CHST11: variants seen among roughly 807,000 people sequenced by gnomAD.
The protein encoded by CHST11 is carbohydrate sulfotransferase 11.
CHST11 carries 9 observed loss-of-function variants against 30.4 expected under a neutral mutation model. The ratio of observed to expected loss-of-function variants is 0.30; its 90% CI spans 0.18 to 0.52. The LOEUF is 0.52. Ranked by LOEUF, CHST11 falls within the 20% of genes least tolerant of loss-of-function variation. CHST11 has a pLI of 0.97. For missense variants in CHST11, 348 were observed against 460.6 expected (o/e 0.76, Z 2.24); for synonymous variants, 152 against 187.8 (o/e 0.81, Z 1.56).
At chr12:104,528,909 C>T (rs768701008) in intron 1 of CHST11, among the ~76,000 whole-genome samples, 1 of 152,142 alleles carries the variant, frequency 6.6e-6, no homozygotes, top group Non-Finnish European at 1.5e-5. Context: ...GGCAACCTTA[C>T]CTTTTGGAAG....
At chr12:104,526,719 T>C (rs1315081922) in intron 1 of CHST11, among the ~76,000 whole-genome samples, 1 of 152,132 alleles carries the variant, frequency 6.6e-6, no homozygotes, top group African/African-American at 2.4e-5. Context: ...CAGGTAGAAA[T>C]GTTTAGCTTC....
At chr12:104,576,872 A>G (rs1027615542) in intron 1 of CHST11, among the ~76,000 whole-genome samples, 1 of 152,042 alleles carries the variant, frequency 6.6e-6, no homozygotes, top group East Asian at 1.9e-4. Flanking sequence ...TCCAACATTC[A>G]TGTTGCCATT....
rs1436190915 is a variant in CHST11, at chr12:104,757,033, C to T, written c.289C>T (p.Arg97Cys). The change falls in exon 3 of 3, where the codon CGT becomes TGT. Residue 97 changes from arginine to cysteine, a missense_variant. By Grantham distance (180) the Arg-to-Cys change is radical. Transcript: ENST00000303694. The surrounding 1 kb of genome is among the most constrained non-coding windows in gnomAD (Gnocchi z 6.5). ...GTGCCGAGCCAACAGCGCCACAAGC[C>T]GTAAGCGGAGGGTGCTGACCCCCAA... Reference protein sequence around the residue: ...DTCRANSATSRKRRVLTPNDL... With the variant: ...DTCRANSATSCKRRVLTPNDL... 1.2e-6 allele frequency: 2 copies of T among 1,613,944 alleles called. No individual in the cohort carries two copies. Among genetic ancestry groups the T allele is most frequent in the African/African-American group, 1.3e-5 (1 of 74,904 alleles).
intron 2 of CHST11, among the ~76,000 whole-genome samples, chr12:104,613,860 G>C (rs142190470): frequency 2.0e-5 from 3 of 152,288 alleles, no homozygotes; most frequent in African/African-American, 7.2e-5. Context: ...AGGTTGAACT[G>C]GTAGAAGCAG....
At chr12:104,546,773 A>AAACAAGT (rs1172137844) in intron 1 of CHST11, among the ~76,000 whole-genome samples, 1 of 152,196 alleles carries the variant, frequency 6.6e-6, no homozygotes, top group Non-Finnish European at 1.5e-5. Flanking sequence ...AAACAAAGCA[A>AAACAAGT]AACAAGTCCA....
chr12:104,717,149 T>C (rs1054896342), intron 2 of CHST11, among the ~76,000 whole-genome samples: 3 of 152,230 alleles, frequency 2.0e-5, no homozygotes, highest in Admixed American at 1.3e-4. Context: ...TAGCCTTAAT[T>C]CCATCTGCTA....
At chr12:104,616,613 A>T (rs2039110692) in intron 2 of CHST11, among the ~76,000 whole-genome samples, 1 of 152,044 alleles carries the variant, frequency 6.6e-6, no homozygotes, top group South Asian at 2.1e-4. Flanking sequence ...CTACAGGCGC[A>T]CACCACCACG....
intron 1 of CHST11, among the ~76,000 whole-genome samples, chr12:104,540,233 G>A (rs1228391779): frequency 6.6e-6 from 1 of 152,138 alleles, no homozygotes; most frequent in South Asian, 2.1e-4. Flanking sequence ...TGAATATGGA[G>A]GCTGATTGTA....
chr12:104,616,467 ATT>A (rs35122771), intron 2 of CHST11, among the ~76,000 whole-genome samples: 45 of 139,346 alleles, frequency 3.2e-4, no homozygotes, highest in Middle Eastern at 7.5e-3. Flanking sequence ...GGGAAACTAC[ATT>A]TTTTTTTTTT....
Position 104,719,750 on chromosome 12 carries a change from T to C in CHST11, c.205-37199T>C, listed in dbSNP as rs1236183588. 2.6e-5 allele frequency among the ~76,000 whole-genome samples: 4 copies of C among 152,274 alleles called. No individual in the cohort carries two copies. In the East Asian group the frequency reaches 7.7e-4, roughly 29 times the overall value. ...GGGCATGGCCAGCCGGCCCTGGCTG[T>C]GGCATGGAGGATGGACTGGCCCTGG... is the stretch of plus-strand genomic sequence containing the variant. On this transcript the variant is annotated intron_variant, in intron 2 of 2. Coordinates refer to ENST00000303694, the MANE Select transcript of CHST11 (RefSeq NM_018413.6).
At chr12:104,488,351 A>G (rs547511812) in intron 1 of CHST11, among the ~76,000 whole-genome samples, 8 of 151,622 alleles carry the variant, frequency 5.3e-5, no homozygotes, top group African/African-American at 1.9e-4. Context: ...GTGTGTATGC[A>G]TGTGTGTGCG....
chr12:104,639,379 T>C lies in CHST11; in HGVS notation c.204+37388T>C, dbSNP rs147270773. ...AAACAAATGTCCATAAGCTTGTGAA[T>C]GGATACACAAAATATGGTATATCCA... On this transcript the variant is annotated intron_variant, in intron 2 of 2. Transcript: ENST00000303694. Among the ~76,000 whole-genome samples the C allele has an allele frequency of 5.6e-3, 848 of 152,346 alleles. 6 individuals carry two copies. Among genetic ancestry groups the C allele is most frequent in the African/African-American group, 0.019 (773 of 41,582 alleles).
chr12:104,461,226 G>A (rs1416768571), intron 1 of CHST11, among the ~76,000 whole-genome samples: 1 of 152,196 alleles, frequency 6.6e-6, no homozygotes, highest in Non-Finnish European at 1.5e-5. Context: ...GGCAGCTGAG[G>A]CACTGCTCTG....
intron 1 of CHST11, among the ~76,000 whole-genome samples, chr12:104,491,894 C>T (rs910229026): frequency 6.6e-6 from 1 of 152,120 alleles, no homozygotes; most frequent in African/African-American, 2.4e-5. Flanking sequence ...TGTGACCTGC[C>T]CCCTACCACC....
intron 2 of CHST11, among the ~76,000 whole-genome samples, chr12:104,656,493 C>T (rs528115794): frequency 6.6e-6 from 1 of 152,146 alleles, no homozygotes; most frequent in Non-Finnish European, 1.5e-5. Context: ...TTGCATAGAT[C>T]CAGTCTTATC....
intron 2 of CHST11, among the ~76,000 whole-genome samples, chr12:104,740,189 A>C (rs2040335658): frequency 6.6e-6 from 1 of 152,226 alleles, no homozygotes; most frequent in Non-Finnish European, 1.5e-5. Context: ...AAATCAGGCC[A>C]GCCCAGGGGG....
In CHST11 at chr12:104,688,584, G is replaced by A. The variant is rs12581376; in HGVS notation, c.205-68365G>A. ...TAATGTTAAAACATCAACCTGAAACGTGTATTTAAAAACCTGTAAGATATT... is the reference window on the plus strand; with the variant it reads ...TAATGTTAAAACATCAACCTGAAACATGTATTTAAAAACCTGTAAGATATT... On this transcript the variant is annotated intron_variant, in intron 2 of 2. Transcript: ENST00000303694. Among the ~76,000 whole-genome samples the A allele has an allele frequency of 3.8e-3, 584 of 152,262 alleles. 14 individuals carry two copies. In the East Asian group the frequency reaches 0.064, roughly 17 times the overall value.
intron 1 of CHST11, among the ~76,000 whole-genome samples, chr12:104,514,919 C>G (rs971415420): frequency 1.3e-5 from 2 of 152,068 alleles, no homozygotes; most frequent in African/African-American, 4.8e-5. Context: ...CAGCGGTAAA[C>G]TGGGGTAAAG....
At chr12:104,672,601 C>G (rs1033488907) in intron 2 of CHST11, among the ~76,000 whole-genome samples, 15 of 152,318 alleles carry the variant, frequency 9.8e-5, no homozygotes, top group Admixed American at 4.6e-4. Context: ...TGGTTGGCTT[C>G]ACCACCTCCA....
Sources: gnomAD v4.1 joint callset for allele counts (sites outside exome capture counted in the v4.1 genomes callset) on GRCh38, gnomAD v4.1.1 for gene constraint, Gnocchi (gnomAD v3.1) non-coding constraint, MANE v1.5 for transcripts, NCBI Gene and HGNC (gene_info 2026-07-23, HGNC 2026-07-21) for gene names.